USP48: variants seen among roughly 807,000 people sequenced by gnomAD.
The protein encoded by USP48 is ubiquitin carboxyl-terminal hydrolase 48.
USP48 carries 43 observed loss-of-function variants against 150.7 expected under a neutral mutation model. The observed-to-expected ratio is 0.29, with a 90% confidence interval of 0.22 to 0.37. USP48 has a LOEUF of 0.37. Ranked by LOEUF, USP48 falls within the 10% of genes least tolerant of loss-of-function variation. The pLI is 1.00. For missense variants in USP48, 813 were observed against 1,249.6 expected, an observed-to-expected ratio of 0.65 and a Z score of 5.27; for synonymous variants, 396 against 425.9, an observed-to-expected ratio of 0.93 and a Z score of 0.86.
At chr1:21,737,010 C>G (rs1006069293) in intron 8 of USP48, among the ~76,000 whole-genome samples, 3 of 152,172 alleles carry the variant, frequency 2.0e-5, no homozygotes, top group Non-Finnish European at 2.9e-5. Flanking sequence ...AAAACTTATA[C>G]AAACCAGGGA....
At chr1:21,775,074 A>G (rs1230506513) in intron 1 of USP48, among the ~76,000 whole-genome samples, 2 of 152,082 alleles carry the variant, frequency 1.3e-5, no homozygotes, top group Admixed American at 6.6e-5. Flanking sequence ...AAGTTGCAAC[A>G]AAGTATGTAT....
chr1:21,692,010 CTGTG>C (rs1223677840), intron 23 of USP48, among the ~76,000 whole-genome samples: 3 of 152,148 alleles, frequency 2.0e-5, no homozygotes, highest in African/African-American at 7.2e-5. Context: ...CAACCTTGAA[CTGTG>C]TGTGTAACAG....
At chr1:21,699,322 T>C (rs1173308328) in intron 22 of USP48, among the ~76,000 whole-genome samples, 137 of 120,864 alleles carry the variant, frequency 1.1e-3, no homozygotes, top group East Asian at 4.2e-3. Context: ...CCTCAGCCTC[T>C]CGAGTAGCTG....
intron 15 of USP48, 100 bp from the exon 16 acceptor site, chr1:21,706,968 C>T (rs2097674507): frequency 1.5e-6 from 2 of 1,301,646 alleles, no homozygotes; most frequent in Non-Finnish European, 2.1e-6. Flanking sequence ...CACAGGTACG[C>T]TTTTCTTGCT....
chr1:21,720,294 GAATT>G (rs1349899004), intron 14 of USP48, among the ~76,000 whole-genome samples: 1 of 152,148 alleles, frequency 6.6e-6, no homozygotes, highest in East Asian at 1.9e-4. Flanking sequence ...GCCTAGAACA[GAATT>G]AATATTAATT....
intron 1 of USP48, among the ~76,000 whole-genome samples, chr1:21,775,197 C>A (rs888104734): frequency 9.9e-5 from 15 of 151,920 alleles, no homozygotes; most frequent in African/African-American, 3.6e-4. Flanking sequence ...CAAGCTTAAG[C>A]CATCCTCCCA....
rs145292698 is a variant in USP48 at position 21,778,640 on chromosome 1, A to G, written c.134+4184T>C. On this transcript the variant is annotated intron_variant, in intron 1 of 26. Transcript: ENST00000308271. ...AAAAAAAAGCCAAAAAAAGGCCATGAACAGTTTCATTCATGCAATCCAAGC... is the reference window on the plus strand; with the variant it reads ...AAAAAAAAGCCAAAAAAAGGCCATGGACAGTTTCATTCATGCAATCCAAGC... Among the ~76,000 whole-genome samples the G allele has an allele frequency of 1.7e-4, 26 of 150,472 alleles. No individual in the cohort carries two copies. In the East Asian group the frequency reaches 4.9e-3, roughly 28 times the overall value.
chr1:21,781,594 C>A (rs561260186), intron 1 of USP48, among the ~76,000 whole-genome samples: 2 of 152,220 alleles, frequency 1.3e-5, no homozygotes, highest in East Asian at 1.9e-4. Context: ...CTGAGTCGGG[C>A]GTGGTGGCCC....
In USP48 at chr1:21,694,572, C is replaced by CAAAAAAAAAAAAAAAA. The variant is rs1204062748; in HGVS notation, c.2883+478_2883+493dup. On this transcript the variant is annotated intron_variant, in intron 23 of 26. Coordinates refer to ENST00000308271, the MANE Select transcript of USP48 (RefSeq NM_032236.8). ...GTGACAGAGTGAGGCTCTGTCTCACCAAAAAAAAAAAAAAAAAAAAAAAAA... is the reference window on the plus strand; with the variant it reads ...GTGACAGAGTGAGGCTCTGTCTCACCAAAAAAAAAAAAAAAAAAAAAAAAAAAAAAAAAAAAAAAAA... Among the ~76,000 whole-genome samples, 7 of 12,016 alleles carry CAAAAAAAAAAAAAAAA rather than the reference C, an allele frequency of 5.8e-4. 1 individual carries two copies. The highest frequency in any genetic ancestry group is 2.3e-3 in the African/African-American group (5 of 2,174). 7.9% of individuals were successfully genotyped at this position (12,016 alleles called of 152,430 possible).
intron 8 of USP48, among the ~76,000 whole-genome samples, chr1:21,743,949 A>T (rs2097787920): frequency 6.6e-6 from 1 of 152,214 alleles, no homozygotes; most frequent in Non-Finnish European, 1.5e-5. Context: ...TCACTAAAAA[A>T]AAGAAGTTGC....
At chr1:21,716,438 T>C (rs978635092) in intron 14 of USP48, among the ~76,000 whole-genome samples, 3 of 152,194 alleles carry the variant, frequency 2.0e-5, no homozygotes, top group African/African-American at 7.2e-5. Context: ...GGGTATGAGA[T>C]ACAATATCAT....
chr1:21,706,029 G>A, intron 18 of USP48, 97 bp downstream of exon 18: 1 of 1,329,892 alleles, frequency 7.5e-7, no homozygotes, highest in Non-Finnish European at 1.1e-6. Flanking sequence ...TAACCATGAA[G>A]GAAGGGTACA....
chr1:21,740,821 T>C (rs1198929508), intron 8 of USP48, among the ~76,000 whole-genome samples: 2 of 152,174 alleles, frequency 1.3e-5, no homozygotes, highest in African/African-American at 4.8e-5. Flanking sequence ...GAAAATCAAA[T>C]GACGAAGAAC....
chr1:21,712,743 G>A (rs1449751547), intron 15 of USP48, among the ~76,000 whole-genome samples: 1 of 151,126 alleles, frequency 6.6e-6, no homozygotes, highest in Non-Finnish European at 1.5e-5. Flanking sequence ...ATTCTCCTGG[G>A]TCAGCCTCCC....
At chr1:21,776,217 G>C (rs114083048) in intron 1 of USP48, among the ~76,000 whole-genome samples, 62 of 152,266 alleles carry the variant, frequency 4.1e-4, no homozygotes, top group African/African-American at 1.4e-3. Flanking sequence ...AATATTTGCA[G>C]AATTCTGTGG....
At chr1:21,684,609 ATC>A (rs1256207133) in intron 25 of USP48, among the ~76,000 whole-genome samples, 1 of 152,144 alleles carries the variant, frequency 6.6e-6, no homozygotes, top group East Asian at 1.9e-4. Flanking sequence ...CTCAGCTAAA[ATC>A]TCTGTCTAGA....
At chr1:21,729,585 C>A in intron 10 of USP48, 119 bp downstream of exon 10, 1 of 1,245,802 alleles carries the variant, frequency 8.0e-7, no homozygotes, top group Non-Finnish European at 1.1e-6. Context: ...CTTTCACCAA[C>A]ATTCACCTTA....
chr1:21,728,505 A>T (rs1041322212), intron 11 of USP48, 65 bp downstream of exon 11: 1 of 1,558,512 alleles, frequency 6.4e-7, no homozygotes, highest in Non-Finnish European at 8.7e-7. Flanking sequence ...CTTCATATAC[A>T]TTTGTGAACA....
rs1190720521 is a variant in USP48 at position 21,723,951 on chromosome 1, T to C, written c.1595A>G (p.Glu532Gly). Reference sequence around the variant, plus strand: ...ACTATAGAAAATGTCAGCTGCATATTCAGATATCCTCTTCATAATTGATAT... The same window carrying C: ...ACTATAGAAAATGTCAGCTGCATATCCAGATATCCTCTTCATAATTGATAT... Reference protein sequence around the residue: ...DKISIMKRISEYAADIFYSRY... With the variant: ...DKISIMKRISGYAADIFYSRY... The change falls in exon 12 of 27, where the codon GAA (glutamate) becomes GGA (glycine). Residue 532 changes from glutamate to glycine, a missense_variant. Coordinates refer to ENST00000308271, the MANE Select transcript of USP48 (RefSeq NM_032236.8). 1 of 1,614,070 alleles carries C rather than the reference T, an allele frequency of 6.2e-7. No homozygotes were observed.
Sources: gnomAD v4.1 joint callset for allele counts (sites outside exome capture counted in the v4.1 genomes callset) on GRCh38, gnomAD v4.1.1 for gene constraint, MANE v1.5 for transcripts, NCBI Gene and HGNC (gene_info 2026-07-23, HGNC 2026-07-21) for gene names.